Variants in ZNF469 observed in about 807,000 individuals in gnomAD.
ZNF469 encodes the protein zinc finger protein 469.
ZNF469 carries 1 observed loss-of-function variant against 1.0 expected under a neutral mutation model. That is an observed-to-expected ratio of 1.00 (90% confidence interval 0.35 to 4.73). The LOEUF (loss-of-function observed/expected upper bound fraction) is 4.73, where lower values mean the gene tolerates loss of function less well. Among genes scored for constraint, ZNF469 ranks in the 30% most tolerant of loss-of-function variants. The pLI is 0.16. For synonymous variants in ZNF469, 2,703 were observed against 2,363.4 expected, an observed-to-expected ratio of 1.14 and a Z score of -4.17; for missense variants, 6,100 against 5,356.3, an observed-to-expected ratio of 1.14 and a Z score of -4.33.
In ZNF469 at chr16:88,439,810, TG is replaced by T. The variant is rs767268168; in HGVS notation, c.*483del. On this transcript the variant is annotated 3_prime_UTR_variant, in exon 3 of 3. Transcript: ENST00000565624. Reference sequence around the variant, plus strand: ...TTCCAAAGTGACCTTAGAAACCACGTGGGGGAAGGCAGTGCTCACTACTTAG... The same window carrying T: ...TTCCAAAGTGACCTTAGAAACCACGTGGGGAAGGCAGTGCTCACTACTTAG... 6 of 233,574 alleles carry T rather than the reference TG, an allele frequency of 2.6e-5. No individual in the cohort carries two copies. Among genetic ancestry groups the T allele is most frequent in the Admixed American group, 5.3e-5 (1 of 19,014 alleles). The allele number at this position is 233,574 out of a possible 1,614,324, so 14.5% of individuals were successfully genotyped here.
the ZNF469 span, among the ~76,000 whole-genome samples, chr16:88,272,026 G>A: frequency 6.6e-6 from 1 of 152,148 alleles, no homozygotes; most frequent in African/African-American, 2.4e-5. Flanking sequence ...ATGGATTTAT[G>A]AGTGGGTGAA....
the ZNF469 span, among the ~76,000 whole-genome samples, chr16:88,290,061 G>A: frequency 4.5e-4 from 69 of 152,314 alleles, no homozygotes; most frequent in East Asian, 0.011. Flanking sequence ...CTCCCTCAGA[G>A]CTCAGACAGC....
chr16:88,164,717 G>T, the ZNF469 span, among the ~76,000 whole-genome samples: 3 of 152,200 alleles, frequency 2.0e-5, no homozygotes, highest in African/African-American at 7.2e-5. Context: ...TGGCCATCAG[G>T]GCAGGGGGTG....
the ZNF469 span, among the ~76,000 whole-genome samples, chr16:88,205,810 G>C: frequency 1.3e-5 from 2 of 152,206 alleles, no homozygotes; most frequent in Non-Finnish European, 2.9e-5. The surrounding 1 kb of genome is among the most constrained non-coding windows in gnomAD (Gnocchi z 4.2). Context: ...TGTGTGTGAG[G>C]ACTCGCACAG....
rs1906799006 is a variant in ZNF469 at position 88,438,885 on chromosome 16, A to C, written c.11415A>C (p.Leu3805=). Residue 3805 remains leucine (L), a synonymous_variant, in exon 3 of 3, where the codon CTA becomes CTC. Transcript: ENST00000565624. ...EAGEQGPHGS[L]GPKEKGESST... is the part of the protein sequence containing the mutation. ...GTGAGCAGGGGCCCCACGGGAGCCT[A>C]GGTCCCAAGGAGAAGGGAGAGAGCA... 1.3e-6 allele frequency: 2 copies of C among 1,550,412 alleles called. No homozygotes were observed. The highest frequency in any genetic ancestry group is 1.7e-6 in the Non-Finnish European group (2 of 1,146,986).
the ZNF469 span, among the ~76,000 whole-genome samples, chr16:88,324,675 A>G: frequency 1.3e-5 from 2 of 152,130 alleles, no homozygotes; most frequent in African/African-American, 2.4e-5. Flanking sequence ...TTTTATACCC[A>G]CTTTTAAGTA....
the ZNF469 span, among the ~76,000 whole-genome samples, chr16:88,102,170 C>T: frequency 5.3e-5 from 8 of 151,146 alleles, no homozygotes; most frequent in Non-Finnish European, 8.8e-5. Context: ...CTTCCAGTGT[C>T]CTGAGCAGGA....
At chr16:88,260,832 T>C in the ZNF469 span, among the ~76,000 whole-genome samples, 3 of 152,010 alleles carry the variant, frequency 2.0e-5, no homozygotes, top group Non-Finnish European at 4.4e-5. This position sits in a 1 kb window ranked among gnomAD's most constrained non-coding sequence, Gnocchi z 4.1. Flanking sequence ...TTCTGAACCA[T>C]GGTGGGGCGG....
chr16:88,436,589 C>T lies in ZNF469; in HGVS notation c.9119C>T (p.Pro3040Leu), dbSNP rs1299662359. The change falls in exon 3 of 3, where the codon CCG becomes CTG. Residue 3040 changes from proline to leucine, a missense_variant. Coordinates refer to ENST00000565624, the MANE Select transcript of ZNF469 (RefSeq NM_001367624.2). Reference sequence around the variant, plus strand: ...CTTCCCGGGAACACCCACCTGCTGCCGCTCCGTGCCACGGACTTTGAGGTG... The same window carrying T: ...CTTCCCGGGAACACCCACCTGCTGCTGCTCCGTGCCACGGACTTTGAGGTG... ...GGLPGNTHLL[P>L]LRATDFEVLS... is the part of the protein sequence containing the mutation. 4.5e-6 allele frequency: 7 copies of T among 1,550,012 alleles called. No homozygotes were observed. Among genetic ancestry groups the T allele is most frequent in the Admixed American group, 2.0e-5 (1 of 50,998 alleles).
the ZNF469 span, among the ~76,000 whole-genome samples, chr16:88,376,960 C>T: frequency 5.3e-5 from 8 of 152,234 alleles, no homozygotes; most frequent in South Asian, 2.1e-4. Flanking sequence ...GCAGGGAGGA[C>T]GGCTCTGCCC....
the ZNF469 span, among the ~76,000 whole-genome samples, chr16:88,368,429 C>G: frequency 6.6e-6 from 1 of 152,236 alleles, no homozygotes; most frequent in South Asian, 2.1e-4. Flanking sequence ...GGGCTCCATC[C>G]TTTCTCTTCA....
chr16:88,115,192 A>T, the ZNF469 span, among the ~76,000 whole-genome samples: 1 of 152,210 alleles, frequency 6.6e-6, no homozygotes, highest in African/African-American at 2.4e-5. Context: ...CTTAGTGCAC[A>T]AAGGGGAAAC....
the ZNF469 span, among the ~76,000 whole-genome samples, chr16:88,367,961 C>T: frequency 3.3e-5 from 5 of 152,200 alleles, no homozygotes; most frequent in Non-Finnish European, 7.3e-5. Context: ...GCATTCTTAT[C>T]CTAATGCCCG....
the ZNF469 span, among the ~76,000 whole-genome samples, chr16:88,253,409 T>C: frequency 6.6e-6 from 1 of 151,914 alleles, no homozygotes; most frequent in Non-Finnish European, 1.5e-5. Flanking sequence ...AGGCTGCATC[T>C]CACTGTGGGA....
chr16:88,230,320 C>A, the ZNF469 span, among the ~76,000 whole-genome samples: 1 of 152,234 alleles, frequency 6.6e-6, no homozygotes, highest in African/African-American at 2.4e-5. Flanking sequence ...ATTGCTGAGG[C>A]GGCCTCTGGC....
the ZNF469 span, among the ~76,000 whole-genome samples, chr16:88,196,459 G>T: frequency 6.6e-6 from 1 of 152,200 alleles, no homozygotes; most frequent in Admixed American, 6.5e-5. Context: ...CCCACCTCAA[G>T]ACATGTCCAA....
At chr16:88,323,491 CAGG>C in the ZNF469 span, among the ~76,000 whole-genome samples, 4 of 152,232 alleles carry the variant, frequency 2.6e-5, no homozygotes, top group Admixed American at 2.6e-4. Context: ...GGCCCCAGGA[CAGG>C]CCCTGGCGAA....
chr16:88,277,703 ACCACACTGACGCTTGGT>A, the ZNF469 span, among the ~76,000 whole-genome samples: 1 of 32,324 alleles, frequency 3.1e-5, no homozygotes, highest in East Asian at 1.1e-3. Context: ...TTAGTGCTGC[ACCACACTGACGCTTGGT>A]CAGTACCATG....
At chr16:88,223,403 C>T in the ZNF469 span, among the ~76,000 whole-genome samples, 1 of 152,170 alleles carries the variant, frequency 6.6e-6, no homozygotes, top group East Asian at 1.9e-4. Flanking sequence ...ACCTCTTTTT[C>T]TTTATAAATG....
Sources: allele counts gnomAD v4.1 joint callset (sites outside exome capture counted in the v4.1 genomes callset), GRCh38; gene constraint gnomAD v4.1.1; non-coding constraint Gnocchi (gnomAD v3.1); transcripts MANE v1.5; gene names NCBI Gene and HGNC (gene_info 2026-07-23, HGNC 2026-07-21).